The following KIAA1328 variants were observed in gnomAD, a reference collection of about 807,000 sequenced individuals.
KIAA1328 encodes protein hinderin.
A neutral mutation model predicts 68.1 loss-of-function variants in KIAA1328; 52 were observed. That is an observed-to-expected ratio of 0.76 (90% CI 0.61 to 0.96). The LOEUF (loss-of-function observed/expected upper bound fraction) is 0.96. Ranked by LOEUF, KIAA1328 falls within the 40% of genes least tolerant of loss-of-function variation. The pLI is 0.00. For synonymous variants in KIAA1328, 232 were observed against 239.4 expected (o/e 0.97, Z 0.28); for missense variants, 641 against 677.6 (o/e 0.95, Z 0.60).
At chr18:36,899,596 A>T (rs2048970121) in intron 5 of KIAA1328, among the ~76,000 whole-genome samples, 1 of 151,966 alleles carries the variant, frequency 6.6e-6, no homozygotes. Context: ...AAAAATATAC[A>T]TATACTCATG....
intron 7 of KIAA1328, among the ~76,000 whole-genome samples, chr18:37,099,124 A>T (rs557463297): frequency 2.0e-5 from 3 of 152,124 alleles, no homozygotes; most frequent in South Asian, 4.2e-4. Flanking sequence ...TAGCTTTTGA[A>T]TGTGTTTGCT....
intron 7 of KIAA1328, among the ~76,000 whole-genome samples, chr18:37,147,027 A>G (rs1271926072): frequency 6.6e-6 from 1 of 152,072 alleles, no homozygotes; most frequent in Non-Finnish European, 1.5e-5. Context: ...AAGAGCTGAC[A>G]TCTCACCCCT....
intron 3 of KIAA1328, among the ~76,000 whole-genome samples, chr18:36,838,797 C>T (rs893272559): frequency 4.6e-5 from 7 of 151,838 alleles, no homozygotes; most frequent in African/African-American, 1.2e-4. Context: ...TGCAGTGGCA[C>T]GATCTTGGTT....
intron 7 of KIAA1328, among the ~76,000 whole-genome samples, chr18:37,137,761 A>C (rs2058676365): frequency 6.6e-6 from 1 of 151,208 alleles, no homozygotes; most frequent in African/African-American, 2.4e-5. Context: ...TTCTCAATAG[A>C]CCTCTTTCTC....
At chr18:37,117,203 C>T (rs1309703624) in intron 7 of KIAA1328, among the ~76,000 whole-genome samples, 8 of 152,154 alleles carry the variant, frequency 5.3e-5, no homozygotes, top group Non-Finnish European at 1.0e-4. Context: ...CGTATGTTTA[C>T]TGTGGCACTA....
chr18:37,122,985 T>C (rs2058308938), intron 7 of KIAA1328, among the ~76,000 whole-genome samples: 2 of 152,194 alleles, frequency 1.3e-5, no homozygotes, highest in Non-Finnish European at 2.9e-5. Context: ...GACAGTGCAG[T>C]GCAATGATTT....
chr18:37,088,426 A>G (rs187543188), intron 7 of KIAA1328, among the ~76,000 whole-genome samples: 115 of 152,274 alleles, frequency 7.6e-4, no homozygotes, highest in Non-Finnish European at 1.4e-3. Context: ...TGTAATTTGC[A>G]GTCACTCTGT....
At chr18:36,900,046 A>T (rs1426765390) in intron 5 of KIAA1328, among the ~76,000 whole-genome samples, 1 of 151,924 alleles carries the variant, frequency 6.6e-6, no homozygotes, top group Non-Finnish European at 1.5e-5. Context: ...GTTTCTTGGA[A>T]TGAAATCATC....
chr18:37,121,488 A>G (rs952449615), intron 7 of KIAA1328, among the ~76,000 whole-genome samples: 7 of 152,038 alleles, frequency 4.6e-5, no homozygotes, highest in African/African-American at 9.7e-5. Context: ...CTATCCATCT[A>G]TCGTTACAAA....
chr18:37,225,233 C>T lies in KIAA1328; in HGVS notation c.*3006C>T. ...AGGCTGTGGCGGACTCCTTCCAACT[C>T]ACGATTTATCCTCAGCTCAGAGTGT... is the stretch of plus-strand genomic sequence containing the variant. On this transcript the variant is annotated 3_prime_UTR_variant, in exon 10 of 10. Transcript: ENST00000280020. The T allele has an allele frequency of 1.0e-6, 1 of 985,452 alleles. No individual in the cohort carries two copies. The highest frequency in any genetic ancestry group is 4.7e-5 in the South Asian group (1 of 21,288). 61.0% of individuals were successfully genotyped at this position (985,452 alleles called of 1,614,324 possible). A position where few individuals can be genotyped will look rare whatever the true frequency, so the allele number is the denominator to read the frequency against.
At chr18:36,884,144 G>C (rs188269877) in intron 4 of KIAA1328, among the ~76,000 whole-genome samples, 48 of 151,992 alleles carry the variant, frequency 3.2e-4, no homozygotes, top group African/African-American at 1.2e-3. Context: ...TTGCAAGTGG[G>C]CTTGAGAGTA....
chr18:36,844,564 C>G (rs2046965612), intron 4 of KIAA1328, among the ~76,000 whole-genome samples: 1 of 151,946 alleles, frequency 6.6e-6, no homozygotes, highest in South Asian at 2.1e-4. Flanking sequence ...TAGCGGTCAT[C>G]TATTGAGGGA....
rs572779085 is a variant in KIAA1328, at chr18:37,083,183, G to A, written c.1232+15638G>A. Among the ~76,000 whole-genome samples, 6 of 152,280 alleles carry A rather than the reference G, an allele frequency of 3.9e-5. No individual in the cohort carries two copies. In the South Asian group the frequency reaches 1.2e-3, roughly 32 times the overall value. ...AGAGGCTACTGTGACTGATATTATT[G>A]CTGCCATTTTTTCACTTTTCTCATA... On this transcript the variant is annotated intron_variant, in intron 7 of 9. Transcript: ENST00000280020.
At chr18:36,981,206 A>G (rs955599340) in intron 6 of KIAA1328, among the ~76,000 whole-genome samples, 1 of 152,182 alleles carries the variant, frequency 6.6e-6, no homozygotes, top group Non-Finnish European at 1.5e-5. Flanking sequence ...CTAGTCATGG[A>G]AAATAAATAG....
chr18:36,973,818 CACACACACACAT>C (rs1267135431), intron 6 of KIAA1328, among the ~76,000 whole-genome samples: 2 of 117,044 alleles, frequency 1.7e-5, no homozygotes, highest in South Asian at 6.4e-4. Flanking sequence ...CACATACACA[CACACACACACAT>C]ACACACACAC....
chr18:37,230,910 C>A, downstream of KIAA1328: 1 of 152,320 alleles, frequency 6.6e-6, no homozygotes. Context: ...GGAGTGCACC[C>A]CTTAGAGTGG....
downstream of KIAA1328, among the ~76,000 whole-genome samples, chr18:37,229,383 A>G (rs2060654794): frequency 6.6e-6 from 1 of 152,126 alleles, no homozygotes; most frequent in Non-Finnish European, 1.5e-5. Flanking sequence ...CATATCCTTT[A>G]TGTAATGAGG....
chr18:37,031,597 C>G (rs2151583332), intron 6 of KIAA1328, among the ~76,000 whole-genome samples: 1 of 152,162 alleles, frequency 6.6e-6, no homozygotes, highest in South Asian at 2.1e-4. Flanking sequence ...GCATAGTTTG[C>G]TTTTGATTTA....
At position 36,991,694 on chromosome 18, in the gene KIAA1328, T is replaced by TA. The variant is rs1004310880; in HGVS notation, c.576+32260dup. Among the ~76,000 whole-genome samples, 66 of 152,332 alleles carry TA rather than the reference T, an allele frequency of 4.3e-4. 1 individual carries two copies. Among genetic ancestry groups the TA allele is most frequent in the Admixed American group, 4.3e-3 (66 of 15,300 alleles). Reference sequence around the variant, plus strand: ...TGCTGATTGTGCCTGTGGTCATACTTATGTGGCTACATGCAGCTGACATGT... The same window carrying TA: ...TGCTGATTGTGCCTGTGGTCATACTTAATGTGGCTACATGCAGCTGACATGT... On this transcript the variant is annotated intron_variant, in intron 6 of 9. Transcript: ENST00000280020.
Sources: gnomAD v4.1 joint callset for allele counts (sites outside exome capture counted in the v4.1 genomes callset) on GRCh38, gnomAD v4.1.1 for gene constraint, MANE v1.5 for transcripts, NCBI Gene and HGNC (gene_info 2026-07-23, HGNC 2026-07-21) for gene names.